The following ELOVL7 variants were observed in gnomAD, a reference collection of about 807,000 sequenced individuals.
ELOVL7 encodes ELOVL fatty acid elongase 7.
In ELOVL7, 27 loss-of-function variants were observed where a neutral mutation model predicts 35.7. The observed-to-expected ratio is 0.76, with a 90% CI of 0.56 to 1.04. The LOEUF (loss-of-function observed/expected upper bound fraction) is 1.04. ELOVL7 is among the 50% of genes least tolerant of loss of function. The pLI, the probability that ELOVL7 is intolerant of heterozygous loss-of-function variation, is 0.00. For missense variants in ELOVL7, 327 were observed against 340.8 expected (o/e 0.96, Z 0.32); for synonymous variants, 113 against 114.6 (o/e 0.99, Z 0.09).
chr5:60,825,415 C>A (rs959685798), intron 1 of ELOVL7, among the ~76,000 whole-genome samples: 6 of 152,168 alleles, frequency 3.9e-5, no homozygotes, highest in African/African-American at 1.4e-4. Flanking sequence ...CTGCATCGTA[C>A]TTTTCAGTGT....
chr5:60,826,330 C>G (rs1025468080), intron 1 of ELOVL7, among the ~76,000 whole-genome samples: 1 of 151,616 alleles, frequency 6.6e-6, no homozygotes, highest in Admixed American at 6.6e-5. Flanking sequence ...TAGGTGTAAT[C>G]AAAGATACAC....
At chr5:60,812,899 C>G (rs1360062452) in intron 1 of ELOVL7, among the ~76,000 whole-genome samples, 1 of 152,154 alleles carries the variant, frequency 6.6e-6, no homozygotes, top group African/African-American at 2.4e-5. Flanking sequence ...TTTCTTCATA[C>G]CCCTGCACTG....
intron 6 of ELOVL7, among the ~76,000 whole-genome samples, chr5:60,765,096 T>C (rs879107523): frequency 3.3e-5 from 5 of 152,194 alleles, no homozygotes; most frequent in Admixed American, 3.3e-4. Context: ...CAATGTAGTT[T>C]AGGGAAGGAC....
intron 7 of ELOVL7, 39 bp downstream of exon 7, chr5:60,764,188 G>A: frequency 7.4e-7 from 1 of 1,353,016 alleles, no homozygotes; most frequent in Non-Finnish European, 1.0e-6. Flanking sequence ...ATATAGAAAT[G>A]TTGTTTATAA....
intron 3 of ELOVL7, among the ~76,000 whole-genome samples, chr5:60,779,405 T>C (rs1057301107): frequency 7.9e-5 from 12 of 152,156 alleles, no homozygotes; most frequent in Admixed American, 2.6e-4. Flanking sequence ...TTTCAATACA[T>C]CCTCTGAAAT....
intron 2 of ELOVL7, among the ~76,000 whole-genome samples, chr5:60,788,979 C>A (rs1743766155): frequency 6.6e-6 from 1 of 151,958 alleles, no homozygotes. Context: ...GTGTGGCACA[C>A]CTGGACAGCC....
At chr5:60,841,526 C>A (rs746501541) in intron 1 of ELOVL7, among the ~76,000 whole-genome samples, 1 of 152,286 alleles carries the variant, frequency 6.6e-6, no homozygotes, top group South Asian at 2.1e-4. Flanking sequence ...CCTCTCCATG[C>A]ACAGCCAATT....
At position 60,771,968 on chromosome 5, in the gene ELOVL7, G is replaced by T; in HGVS notation, c.190C>A (p.Leu64Ile). The change falls in exon 4 of 9, where the codon CTC becomes ATC. Residue 64 changes from leucine (L) to isoleucine (I), a missense_variant. Transcript: ENST00000508821. The stretch of plus-strand genomic sequence containing the variant: ...TTGTACGTTATCATTGCTTTCTTGA[G>T]TTCAAAGGGCTTGCGATTTTCCATG... The part of the protein sequence containing the change: ...KLMENRKPFE[L>I]KKAMITYNFF... The T allele has an allele frequency of 1.9e-6, 3 of 1,613,988 alleles. No individual in the cohort carries two copies. Among genetic ancestry groups the T allele is most frequent in the African/African-American group, 2.7e-5 (2 of 75,054 alleles).
At chr5:60,839,950 T>C (rs1747064594) in intron 1 of ELOVL7, among the ~76,000 whole-genome samples, 1 of 151,628 alleles carries the variant, frequency 6.6e-6, no homozygotes, top group Non-Finnish European at 1.5e-5. Context: ...CGGAAAGCCA[T>C]GACTGTGCCA....
Position 60,781,366 on chromosome 5 carries a change from C to T in ELOVL7, c.64+5968G>A, listed in dbSNP as rs531469057. Among the ~76,000 whole-genome samples, 8 of 152,210 alleles carry T rather than the reference C, an allele frequency of 5.3e-5. No individual in the cohort carries two copies. The South Asian group carries it at 1.7e-3, about 32-fold the overall frequency. ...AAATGATTCTATTATTAACAGTCAT[C>T]ACACATATGGTTAGAAACGAGCTTA... On this transcript the variant is annotated intron_variant, in intron 3 of 8. Coordinates refer to ENST00000508821, the MANE Select transcript of ELOVL7 (RefSeq NM_024930.3).
intron 3 of ELOVL7, chr5:60,784,126 T>A: frequency 6.6e-7 from 1 of 1,517,296 alleles, no homozygotes; most frequent in Non-Finnish European, 8.8e-7. Context: ...CATCAGCTGC[T>A]TCTAAGAGAG....
At chr5:60,759,531 C>T (rs1040892622) in intron 7 of ELOVL7, among the ~76,000 whole-genome samples, 2 of 151,794 alleles carry the variant, frequency 1.3e-5, no homozygotes, top group African/African-American at 4.8e-5. Flanking sequence ...ATCTATTTCA[C>T]CTTTGATATG....
intron 7 of ELOVL7, among the ~76,000 whole-genome samples, chr5:60,763,777 G>A (rs374835336): frequency 3.3e-5 from 5 of 152,124 alleles, no homozygotes; most frequent in African/African-American, 1.2e-4. Context: ...AGAGCTATTA[G>A]GGGTTAGAGT....
chr5:60,796,090 A>G (rs1418984969), intron 2 of ELOVL7, among the ~76,000 whole-genome samples: 1 of 152,162 alleles, frequency 6.6e-6, no homozygotes. Flanking sequence ...GGCAGGAAAA[A>G]TCCCTGAGAT....
At chr5:60,786,340 TTG>T (rs1162147363) in intron 3 of ELOVL7, among the ~76,000 whole-genome samples, 1 of 152,204 alleles carries the variant, frequency 6.6e-6, no homozygotes, top group Non-Finnish European at 1.5e-5. Context: ...AACATATTTG[TTG>T]TGATTTAAAA....
chr5:60,795,955 C>T lies in ELOVL7; in HGVS notation c.-35+3225G>A, dbSNP rs576832483. The stretch of plus-strand genomic sequence containing the variant: ...GCTTGCCGCCATCTTGGGAGCAGCC[C>T]GCCACCATCTTGGGAGCTCTAAGAA... On this transcript the variant is annotated intron_variant, in intron 2 of 8. Transcript: ENST00000508821. 3.9e-5 allele frequency among the ~76,000 whole-genome samples: 6 copies of T among 152,174 alleles called. No homozygotes were observed. In the South Asian group the frequency reaches 6.2e-4, roughly 16 times the overall value.
chr5:60,777,099 G>C (rs1742950426), intron 3 of ELOVL7, among the ~76,000 whole-genome samples: 1 of 150,672 alleles, frequency 6.6e-6, no homozygotes, highest in Non-Finnish European at 1.5e-5. Context: ...GGCTAGGAAG[G>C]GTACTAGGGG....
chr5:60,764,514 G>A (rs1742118152), intron 6 of ELOVL7, among the ~76,000 whole-genome samples, 182 bp from the exon 7 acceptor site: 1 of 152,064 alleles, frequency 6.6e-6, no homozygotes, highest in African/African-American at 2.4e-5. Flanking sequence ...TAATTATTAT[G>A]AAGTAACTTA....
At chr5:60,793,768 G>A (rs1744081335) in intron 2 of ELOVL7, among the ~76,000 whole-genome samples, 1 of 152,084 alleles carries the variant, frequency 6.6e-6, no homozygotes, top group Non-Finnish European at 1.5e-5. Context: ...AAGTCCTGGG[G>A]CCCATGATGG....
Sources: gnomAD v4.1 joint callset for allele counts (sites outside exome capture counted in the v4.1 genomes callset) on GRCh38, gnomAD v4.1.1 for gene constraint, MANE v1.5 for transcripts, NCBI Gene and HGNC (gene_info 2026-07-23, HGNC 2026-07-21) for gene names.